TIAM1: variants seen among roughly 807,000 people sequenced by gnomAD.
TIAM1 encodes rho guanine nucleotide exchange factor TIAM1.
TIAM1 carries 65 observed loss-of-function variants against 163.5 expected under a neutral mutation model. The observed-to-expected ratio is 0.40, with a 90% confidence interval of 0.33 to 0.49. The LOEUF is 0.49. Among genes scored for constraint, TIAM1 ranks in the 20% least tolerant of loss-of-function variants. TIAM1 has a pLI of 0.77. For synonymous variants in TIAM1, 833 were observed against 810.1 expected, an observed-to-expected ratio of 1.03 and a Z score of -0.48; for missense variants, 1,789 against 2,044.7, an observed-to-expected ratio of 0.87 and a Z score of 2.41.
In TIAM1 at chr21:31,387,195, C is replaced by CTTTTT. The variant is rs60592178; in HGVS notation, c.-368-47778_-368-47774dup. On this transcript the variant is annotated intron_variant, in intron 2 of 28. Transcript: ENST00000286827. ...GCTTTTGTTTGTAGAAGCTTATTCTCTTTTTTTTTTTTTTTTTTTTTTTTT... is the reference window on the plus strand; with the variant it reads ...GCTTTTGTTTGTAGAAGCTTATTCTCTTTTTTTTTTTTTTTTTTTTTTTTTTTTTT... Among the ~76,000 whole-genome samples, 372 of 75,100 alleles carry CTTTTT rather than the reference C, an allele frequency of 5.0e-3. 9 individuals are homozygous for CTTTTT. The highest frequency in any genetic ancestry group is 6.3e-3 in the Non-Finnish European group (244 of 38,742). The allele number at this position is 75,100 out of a possible 152,430, so 49.3% of individuals were successfully genotyped here. A position where few individuals can be genotyped will look rare whatever the true frequency, so the allele number is the denominator to read the frequency against.
intron 2 of TIAM1, among the ~76,000 whole-genome samples, chr21:31,335,884 C>G (rs1211693425): frequency 1.3e-5 from 2 of 152,106 alleles, no homozygotes; most frequent in Non-Finnish European, 2.9e-5. Flanking sequence ...GTCACTGCCA[C>G]AATAGAGTGA....
intron 6 of TIAM1, among the ~76,000 whole-genome samples, chr21:31,244,231 G>A (rs578030449): frequency 6.6e-6 from 1 of 152,300 alleles, no homozygotes; most frequent in South Asian, 2.1e-4. Context: ...AGCTTCTGAA[G>A]CCAAAGCCAG....
intron 22 of TIAM1, 63 bp from the exon 23 acceptor site, chr21:31,136,104 T>A (rs930047686): frequency 7.2e-7 from 1 of 1,394,556 alleles, no homozygotes; most frequent in African/African-American, 1.4e-5. Flanking sequence ...ATTTTCATGA[T>A]GTTTGAAAAT....
At position 31,319,319 on chromosome 21, in the gene TIAM1, G is replaced by C. The variant is rs768573828; in HGVS notation, c.-189+19924C>G. Among the ~76,000 whole-genome samples the C allele has an allele frequency of 1.4e-3, 209 of 152,150 alleles. 2 individuals are homozygous for C. The highest frequency in any genetic ancestry group is 3.2e-3 in the Middle Eastern group (1 of 316). ...TTCAATTCTTTTGGGCATATACGTG[G>C]AAGTGGAATTGTGGGGTCACATAGT... is the stretch of plus-strand genomic sequence containing the variant. On this transcript the variant is annotated intron_variant, in intron 2 of 27. Transcript: ENST00000541036.
rs527864043 is a variant in TIAM1, at chr21:31,222,707, ATTTTTTTTTTTTTTTTTTTTTT to A, written c.1995+677_1995+698del. ...TATATATATATATATATATATATAT[ATTTTTTTTTTTTTTTTTTTTTT>A]TTTTTTGAGACAGAGTCTCACTTTG... On this transcript the variant is annotated intron_variant, in intron 8 of 27. Transcript: ENST00000541036. Among the ~76,000 whole-genome samples, 3 of 32,888 alleles carry A rather than the reference ATTTTTTTTTTTTTTTTTTTTTT, an allele frequency of 9.1e-5. No individual in the cohort carries two copies. In the Admixed American group the frequency reaches 2.0e-3, roughly 22 times the overall value. The allele number at this position is 32,888 out of a possible 152,430, so 21.6% of individuals were successfully genotyped here.
At chr21:31,264,326 G>A (rs1414074918) in intron 4 of TIAM1, among the ~76,000 whole-genome samples, 1 of 151,992 alleles carries the variant, frequency 6.6e-6, no homozygotes, top group African/African-American at 2.4e-5. Flanking sequence ...ACCTTTATGA[G>A]GTACTCAAGA....
chr21:31,370,241 CA>C (rs918570093), intron 2 of TIAM1, among the ~76,000 whole-genome samples: 5 of 152,100 alleles, frequency 3.3e-5, no homozygotes, highest in Non-Finnish European at 5.9e-5. Flanking sequence ...GATCACGATT[CA>C]AAAAGATGAG....
At chr21:31,352,662 GC>G (rs1239811488) in intron 2 of TIAM1, among the ~76,000 whole-genome samples, 1 of 151,210 alleles carries the variant, frequency 6.6e-6, no homozygotes, top group Non-Finnish European at 1.5e-5. Context: ...GACCAGCCTG[GC>G]CAACACAATG....
At chr21:31,517,536 GAA>G (rs767453706) in intron 1 of TIAM1, among the ~76,000 whole-genome samples, 4 of 152,136 alleles carry the variant, frequency 2.6e-5, no homozygotes, top group Non-Finnish European at 4.4e-5. Flanking sequence ...TCTAAGAGAA[GAA>G]AACACACGCA....
chr21:31,447,309 C>T (rs1375429701), intron 2 of TIAM1, among the ~76,000 whole-genome samples: 1 of 151,964 alleles, frequency 6.6e-6, no homozygotes, highest in African/African-American at 2.4e-5. Flanking sequence ...TAGTGGTGTG[C>T]ACCTGTAGTC....
chr21:31,494,338 T>C (rs1215663497), intron 1 of TIAM1, among the ~76,000 whole-genome samples: 2 of 152,130 alleles, frequency 1.3e-5, no homozygotes, highest in African/African-American at 4.8e-5. Flanking sequence ...AGCACACAGA[T>C]GAAGCACCAA....
chr21:31,142,213 G>A (rs1360995412), intron 20 of TIAM1, among the ~76,000 whole-genome samples: 1 of 150,324 alleles, frequency 6.7e-6, no homozygotes. Flanking sequence ...TCCGTCCCCT[G>A]AGCTGTTGGC....
At chr21:31,296,840 T>C (rs756877385) in intron 2 of TIAM1, among the ~76,000 whole-genome samples, 14 of 152,154 alleles carry the variant, frequency 9.2e-5, no homozygotes, top group African/African-American at 1.2e-4. Flanking sequence ...ATTTTTTGTA[T>C]TTTTAGTAGA....
chr21:31,216,271 C>G (rs1023548020), intron 9 of TIAM1, among the ~76,000 whole-genome samples: 1 of 152,166 alleles, frequency 6.6e-6, no homozygotes, highest in Non-Finnish European at 1.5e-5. Flanking sequence ...AAATTCATTT[C>G]TTAAGTAAAT....
intron 10 of TIAM1, among the ~76,000 whole-genome samples, chr21:31,210,585 A>AGAAAGAAAGAAAGAAG (rs1569031216): frequency 4.1e-5 from 5 of 121,046 alleles, no homozygotes; most frequent in African/African-American, 2.1e-4. Flanking sequence ...AAAGAAAGAA[A>AGAAAGAAAGAAAGAAG]GAAAGAAAGA....
At chr21:31,427,294 G>A (rs565746126) in intron 2 of TIAM1, among the ~76,000 whole-genome samples, 1 of 152,176 alleles carries the variant, frequency 6.6e-6, no homozygotes, top group Non-Finnish European at 1.5e-5. Context: ...AGACCATCCT[G>A]GCTAATATGG....
chr21:31,420,374 T>C (rs2043523783), intron 2 of TIAM1, among the ~76,000 whole-genome samples: 1 of 152,184 alleles, frequency 6.6e-6, no homozygotes, highest in Non-Finnish European at 1.5e-5. Flanking sequence ...TGGACATCAG[T>C]GAACACAAGC....
chr21:31,394,724 TCTCTCACACACACACACACACACACACA>T (rs2077029216), intron 2 of TIAM1, among the ~76,000 whole-genome samples: 1 of 128,796 alleles, frequency 7.8e-6, no homozygotes, highest in Non-Finnish European at 1.6e-5. Context: ...TCTCTCTCTC[TCTCTCACACACACACACACACACACACA>T]CACACACACA....
rs146188201 is a variant in TIAM1, at chr21:31,166,983, T to C, written c.2888-1918A>G. On this transcript the variant is annotated intron_variant, in intron 15 of 27. Transcript: ENST00000541036. Reference sequence around the variant, plus strand: ...CAACCTCCTGGAGTTGAACAACCCATATACACTGTGCAGAGAAATGCTGTA... The same window carrying C: ...CAACCTCCTGGAGTTGAACAACCCACATACACTGTGCAGAGAAATGCTGTA... Among the ~76,000 whole-genome samples, 216 of 152,066 alleles carry C rather than the reference T, an allele frequency of 1.4e-3. 1 individual carries two copies. The highest frequency in any genetic ancestry group is 4.8e-3 in the African/African-American group (200 of 41,468).
Sources: gnomAD v4.1 joint callset for allele counts (sites outside exome capture counted in the v4.1 genomes callset) on GRCh38, gnomAD v4.1.1 for gene constraint, MANE v1.5 for transcripts, NCBI Gene and HGNC (gene_info 2026-07-23, HGNC 2026-07-21) for gene names.